Variants in ARID1A observed in about 807,000 individuals in gnomAD.
ARID1A encodes the protein AT-rich interaction domain 1A.
In ARID1A, 20 loss-of-function variants were observed where a neutral mutation model predicts 212.6. That is an observed-to-expected ratio of 0.09 (90% CI 0.07 to 0.14). The LOEUF is 0.14. ARID1A is among the 10% of genes least tolerant of loss of function. The pLI is 1.00. For synonymous variants in ARID1A, 1,376 were observed against 1,222.1 expected (o/e 1.13, Z -2.63); for missense variants, 2,587 against 3,059.0 (o/e 0.85, Z 3.64).
chr1:26,762,409 T>C, intron 7 of ARID1A, 90 bp downstream of exon 7: 1 of 1,430,264 alleles, frequency 7.0e-7, no homozygotes, highest in Non-Finnish European at 9.4e-7. Flanking sequence ...TGTAACCTTG[T>C]GAGAGAAGGG....
At chr1:26,761,139 G>GC in intron 5 of ARID1A, 43 bp downstream of exon 5, 2 of 1,603,148 alleles carry the variant, frequency 1.2e-6, no homozygotes, top group Non-Finnish European at 1.7e-6. Flanking sequence ...AAAGGTGACT[G>GC]CCCCCAGTAA....
intron 1 of ARID1A, 64 bp downstream of exon 1, chr1:26,697,604 G>A (rs1384112499): frequency 3.2e-6 from 4 of 1,262,528 alleles, no homozygotes; most frequent in Non-Finnish European, 4.0e-6. Flanking sequence ...GGCGGCTGCG[G>A]TGAGCGGGCC....
At chr1:26,756,236 G>A (rs1395695258) in intron 4 of ARID1A, among the ~76,000 whole-genome samples, 1 of 151,634 alleles carries the variant, frequency 6.6e-6, no homozygotes, top group East Asian at 1.9e-4. Flanking sequence ...ACATGGCAAG[G>A]CCCCATCTCT....
At chr1:26,732,930 C>A in intron 4 of ARID1A, 138 bp downstream of exon 4, 1 of 720,018 alleles carries the variant, frequency 1.4e-6, no homozygotes, top group South Asian at 1.8e-5. Flanking sequence ...AACTTAAAGG[C>A]TGACTTGTAG....
chr1:26,773,943 G>GA, intron 17 of ARID1A, 45 bp downstream of exon 17: 1 of 1,585,644 alleles, frequency 6.3e-7, no homozygotes, highest in East Asian at 2.2e-5. Flanking sequence ...GGTTCGCCTT[G>GA]AAAACTAGTT....
intron 4 of ARID1A, among the ~76,000 whole-genome samples, chr1:26,741,727 G>A (rs1020091491): frequency 1.3e-5 from 2 of 152,100 alleles, no homozygotes; most frequent in Admixed American, 1.3e-4. Flanking sequence ...CAGGAGGGAG[G>A]TGGAGAACAG....
chr1:26,718,523 G>A (rs752145786), intron 1 of ARID1A, among the ~76,000 whole-genome samples: 52 of 152,256 alleles, frequency 3.4e-4, no homozygotes, highest in Middle Eastern at 3.4e-3. Context: ...TAGGGGGTTG[G>A]TTCCAGGACT....
Position 26,729,410 on chromosome 1 carries a change from T to C in ARID1A, c.1138-241T>C. 1.1e-5 allele frequency: 6 copies of C among 526,040 alleles called. No homozygotes were observed. The South Asian group carries it at 1.3e-4, about 11-fold the overall frequency. The allele number at this position is 526,040 out of a possible 1,614,324, so 32.6% of individuals were successfully genotyped here. Reference sequence around the variant, plus strand: ...CTCAAGCAGTACCACAGTTACAAAGTAGTTTTTAGCTTACAAGGTGTTTTC... The same window carrying C: ...CTCAAGCAGTACCACAGTTACAAAGCAGTTTTTAGCTTACAAGGTGTTTTC... On this transcript the variant is annotated intron_variant, in intron 1 of 19. Coordinates refer to ENST00000324856, the MANE Select transcript of ARID1A (RefSeq NM_006015.6).
At chr1:26,713,524 A>AT (rs991595724) in intron 1 of ARID1A, among the ~76,000 whole-genome samples, 37 of 151,792 alleles carry the variant, frequency 2.4e-4, no homozygotes, top group Admixed American at 5.2e-4. Flanking sequence ...ACACCTGGCT[A>AT]TTTTTTTGTA....
At chr1:26,741,161 TGGACGATGCCGGAGGCCATCA>T (rs1401213754) in intron 4 of ARID1A, among the ~76,000 whole-genome samples, 3 of 152,284 alleles carry the variant, frequency 2.0e-5, no homozygotes, top group Admixed American at 2.0e-4. Context: ...GATGGAGCTC[TGGACGATGCCGGAGGCCATCA>T]GGTAGAAGCA....
chr1:26,760,078 G>A (rs532667514), intron 4 of ARID1A, among the ~76,000 whole-genome samples: 13 of 152,296 alleles, frequency 8.5e-5, no homozygotes, highest in South Asian at 6.2e-4. Flanking sequence ...ACATTCTCTT[G>A]TAGCTCCTGG....
At chr1:26,709,672 G>A in intron 1 of ARID1A, among the ~76,000 whole-genome samples, 1 of 148,088 alleles carries the variant, frequency 6.8e-6, no homozygotes. Flanking sequence ...TTAGAGACAG[G>A]GTCTTTCTCT....
At position 26,760,903 on chromosome 1, in the gene ARID1A, T is replaced by G. The variant is rs778235349; in HGVS notation, c.1968T>G (p.Ala656=). 6.2e-7 allele frequency: 1 copy of G among 1,614,024 alleles called. No individual in the cohort carries two copies. The highest frequency in any genetic ancestry group is 1.1e-5 in the South Asian group (1 of 91,076). ...IDDLPMGTEG[A]LSPGVSTSGI... ...ACCTCCCCATGGGGACAGAAGGAGC[T>G]CTGAGTCCTGGAGTGAGCACATCAG... The change falls in exon 5 of 20, where the codon GCT becomes GCG. Residue 656 remains alanine, a synonymous_variant. Transcript: ENST00000324856.
Position 26,696,848 on chromosome 1 carries a change from G to T in ARID1A, c.445G>T (p.Gly149Cys). ...GGCCGCCTTGCCGCCCCCAGCCTAC[G>T]GCTTCGGGCAACCCTACGGCCGGAG... ...AAAALPPPAYGFGQPYGRSPS... is the reference protein window; with the variant it reads ...AAAALPPPAYCFGQPYGRSPS... The change falls in exon 1 of 20, where the codon GGC becomes TGC. Residue 149 changes from glycine (G) to cysteine (C), a missense_variant. Physicochemically the swap from Gly to Cys is radical, Grantham distance 159. Transcript: ENST00000324856. 7.5e-7 allele frequency: 1 copy of T among 1,340,592 alleles called. No homozygotes were observed. Among genetic ancestry groups the T allele is most frequent in the Non-Finnish European group, 9.6e-7 (1 of 1,047,026 alleles). 83.0% of individuals were successfully genotyped at this position (1,340,592 alleles called of 1,614,324 possible). A position where few individuals can be genotyped will look rare whatever the true frequency, so the allele number is the denominator to read the frequency against.
chr1:26,779,394 G>C lies in ARID1A; in HGVS notation c.5496G>C (p.Gly1832=), dbSNP rs1430819911. ...PFVVDCSDKL[G]RVQEFDSGLL... ...TGGTGGACTGCTCAGATAAGCTTGG[G>C]CGTGTGCAGGAGTTTGACAGTGGCC... The change falls in exon 20 of 20, where the codon GGG becomes GGC. Residue 1832 remains glycine, a synonymous_variant. Coordinates refer to ENST00000324856, the MANE Select transcript of ARID1A (RefSeq NM_006015.6). The C allele has an allele frequency of 6.2e-7, 1 of 1,614,176 alleles. No individual in the cohort carries two copies. Among genetic ancestry groups the C allele is most frequent in the South Asian group, 1.1e-5 (1 of 91,086 alleles).
At chr1:26,760,783 AGTAG>A in intron 4 of ARID1A, 69 bp from the exon 5 acceptor site, 3 of 1,471,694 alleles carry the variant, frequency 2.0e-6, no homozygotes, top group Middle Eastern at 1.8e-4. Flanking sequence ...ATGCTAAGCA[AGTAG>A]TAGGATTATT....
chr1:26,763,629 GT>G (rs1250638559), intron 8 of ARID1A, among the ~76,000 whole-genome samples: 1 of 152,160 alleles, frequency 6.6e-6, no homozygotes, highest in African/African-American at 2.4e-5. Context: ...AATTAGCTGG[GT>G]GTGGTGGCGC....
At chr1:26,756,578 A>C (rs1265852954) in intron 4 of ARID1A, among the ~76,000 whole-genome samples, 3 of 150,718 alleles carry the variant, frequency 2.0e-5, no homozygotes, top group African/African-American at 7.3e-5. Flanking sequence ...AAAAAAAAAA[A>C]CAAAAAAACA....
At chr1:26,763,381 G>C (rs1397156384) in intron 8 of ARID1A, 96 bp downstream of exon 8, 1 of 1,351,640 alleles carries the variant, frequency 7.4e-7, no homozygotes, top group Non-Finnish European at 9.9e-7. Context: ...ACCAGGGGGG[G>C]AAAATGGGTG....
Sources: allele counts gnomAD v4.1 joint callset (sites outside exome capture counted in the v4.1 genomes callset), GRCh38; gene constraint gnomAD v4.1.1; transcripts MANE v1.5; gene names NCBI Gene and HGNC (gene_info 2026-07-23, HGNC 2026-07-21).